The following FATE1 variants were observed in gnomAD, a reference collection of about 807,000 sequenced individuals.
FATE1 encodes fetal and adult testis-expressed transcript protein.
FATE1 carries 18 observed loss-of-function variants against 16.0 expected under a neutral mutation model. The ratio of observed to expected loss-of-function variants is 1.12; its 90% CI spans 0.78 to 1.66. FATE1 has a LOEUF of 1.66. Among genes scored for constraint, FATE1 ranks in the 40% most tolerant of loss-of-function variants. The pLI, the probability that FATE1 is intolerant of heterozygous loss-of-function variation, is 0.00. For synonymous variants in FATE1, 76 were observed against 56.9 expected (o/e 1.34, Z -1.51); for missense variants, 169 against 152.7 (o/e 1.11, Z -0.56).
intron 2 of FATE1, among the ~76,000 whole-genome samples, chrX:151,718,216 G>GAAGAAAGA (rs368403459): frequency 5.5e-4 from 56 of 102,115 alleles, no homozygotes; most frequent in East Asian, 4.7e-3. Context: ...AGGAAGAAAG[G>GAAGAAAGA]AAGAAAGAAA....
In FATE1 at chrX:151,722,756, G is replaced by C. The variant is rs1425969979; in HGVS notation, c.549G>C (p.Gln183His). The change falls in exon 5 of 5, where the codon CAG (glutamine) becomes CAC (histidine). Residue 183 changes from glutamine (Q) to histidine (H), a missense_variant. Coordinates refer to ENST00000370350, the MANE Select transcript of FATE1 (RefSeq NM_033085.3). ...SIANLWLWMN[Q>H] ...CCAACCTGTGGCTGTGGATGAACCA[G>C]TGATCGCCCCAGCGCGGCCTCCGTA... 1 of 1,208,054 alleles carries C rather than the reference G, an allele frequency of 8.3e-7. No homozygotes were observed. Among genetic ancestry groups the C allele is most frequent in the African/African-American group, 1.7e-5 (1 of 57,833 alleles).
intron 2 of FATE1, among the ~76,000 whole-genome samples, chrX:151,719,822 G>C (rs28483163): frequency 0.1 from 11,310 of 111,479 alleles, 524 homozygotes; most frequent in Middle Eastern, 0.22. Context: ...TGTTACTTCG[G>C]AACAGAAGAG....
intron 2 of FATE1, among the ~76,000 whole-genome samples, chrX:151,719,575 C>T (rs1308309704): frequency 8.9e-6 from 1 of 111,989 alleles, no homozygotes; most frequent in Non-Finnish European, 1.9e-5. Context: ...CATCATTGAT[C>T]AAATTATAGT....
intron 2 of FATE1, among the ~76,000 whole-genome samples, chrX:151,717,805 G>A (rs2015075093): frequency 9.0e-6 from 1 of 111,552 alleles, no homozygotes; most frequent in South Asian, 3.8e-4. Context: ...CAGTCAAGTG[G>A]ACTGGCATGG....
In FATE1 at chrX:151,717,349, G is replaced by A. The variant is rs768452944; in HGVS notation, c.184G>A (p.Ala62Thr). The change falls in exon 2 of 5, where the codon GCT becomes ACT. Residue 62 changes from alanine to threonine, a missense_variant. Coordinates refer to ENST00000370350, the MANE Select transcript of FATE1 (RefSeq NM_033085.3). ...GTTGGAACAAAAAGCTGCTGGCTCT[G>A]CTTCAGCCAAACGAGTTTGGAATAT... ...QKLEQKAAGS[A>T]SAKRVWNMTA... 5 of 1,208,125 alleles carry A rather than the reference G, an allele frequency of 4.1e-6. No homozygotes were observed. The highest frequency in any genetic ancestry group is 5.6e-6 in the Non-Finnish European group (5 of 893,289).
Position 151,721,926 on chromosome X carries a change from C to T in FATE1, c.365C>T (p.Ala122Val), listed in dbSNP as rs144817068. Residue 122 changes from alanine to valine, a missense_variant, in exon 4 of 5, where the codon GCG (alanine) becomes GTG (valine). Transcript: ENST00000370350. The stretch of plus-strand genomic sequence containing the variant: ...AGCAACCCAGGGACAGATGCAGTGG[C>T]GCAGACTAGCCTGGAAGAGTTCAAT... ...YDRNPGTDAV[A>V]QTSLEEFNVL... The T allele has an allele frequency of 6.8e-5, 82 of 1,208,736 alleles. No homozygotes were observed. The highest frequency in any genetic ancestry group is 2.3e-4 in the Middle Eastern group (1 of 4,373).
Position 151,716,215 on chromosome X carries a change from G to A in FATE1, c.96G>A (p.Leu32=), listed in dbSNP as rs2124354068. ...HGRQGENQEH[L]VIAEMMELGS... ...GCCAAGGGGAAAACCAAGAGCACCTGGTGATAGCAGGTGAGGATCCCCTAA... is the reference window on the plus strand; with the variant it reads ...GCCAAGGGGAAAACCAAGAGCACCTAGTGATAGCAGGTGAGGATCCCCTAA... Residue 32 remains leucine (L), a synonymous_variant, in exon 1 of 5, where the codon CTG becomes CTA. Coordinates refer to ENST00000370350, the MANE Select transcript of FATE1 (RefSeq NM_033085.3). The A allele has an allele frequency of 8.6e-7, 1 of 1,165,392 alleles. No individual in the cohort carries two copies. Among genetic ancestry groups the A allele is most frequent in the Non-Finnish European group, 1.1e-6 (1 of 870,979 alleles).
At chrX:151,718,100 AAG>A (rs1292891919) in intron 2 of FATE1, among the ~76,000 whole-genome samples, 1 of 90,156 alleles carries the variant, frequency 1.1e-5, no homozygotes, top group South Asian at 6.4e-4. Context: ...GAAAGAAAGA[AAG>A]AGAGAGAGAG....
chrX:151,722,506 G>A lies in FATE1; in HGVS notation c.421-122G>A, dbSNP rs2015126367. ...CTGCTTCTCACTAGGGGCGCTCCCC[G>A]CTCCACCGCCAAAGGGCAATCAAGC... is the stretch of plus-strand genomic sequence containing the variant. On this transcript the variant is annotated intron_variant, in intron 4 of 4. Coordinates refer to ENST00000370350, the MANE Select transcript of FATE1 (RefSeq NM_033085.3). 24 of 1,055,607 alleles carry A rather than the reference G, an allele frequency of 2.3e-5. No homozygotes were observed. In the South Asian group the frequency reaches 4.3e-4, roughly 19 times the overall value. 87.0% of individuals were successfully genotyped at this position (1,055,607 alleles called of 1,213,427 possible).
chrX:151,721,823 C>T lies in FATE1; in HGVS notation c.342-80C>T, dbSNP rs112449105. ...CTGTCCAAGAAGATCACGACCTTACCTGCTTGACCTCACTGCCTTCTTGTG... is the reference window on the plus strand; with the variant it reads ...CTGTCCAAGAAGATCACGACCTTACTTGCTTGACCTCACTGCCTTCTTGTG... On this transcript the variant is annotated intron_variant, in intron 3 of 4. Transcript: ENST00000370350. 8.4e-5 allele frequency: 74 copies of T among 885,823 alleles called. No individual in the cohort carries two copies. The African/African-American group carries it at 1.1e-3, about 13-fold the overall frequency. The allele number at this position is 885,823 out of a possible 1,213,427, so 73.0% of individuals were successfully genotyped here.
chrX:151,716,161 G>GT lies in FATE1; in HGVS notation c.43dup (p.Ser15PhefsTer99), dbSNP rs1452216243. ...CCAACACCAAGGCGGAGATGGAAAT[G>GT]TCCCTGGCAGAAGAACTGAATCATG... is the stretch of plus-strand genomic sequence containing the variant. On this transcript the variant is annotated frameshift_variant, in exon 1 of 5. Coordinates refer to ENST00000370350, the MANE Select transcript of FATE1 (RefSeq NM_033085.3). LOFTEE classifies it high-confidence loss of function. 8.6e-7 allele frequency: 1 copy of GT among 1,167,833 alleles called. No individual in the cohort carries two copies. Among genetic ancestry groups the GT allele is most frequent in the Non-Finnish European group, 1.1e-6 (1 of 872,991 alleles).
In FATE1 at chrX:151,716,148, C is replaced by T. The variant is rs3810715; in HGVS notation, c.29C>T (p.Ala10Val). The change falls in exon 1 of 5, where the codon GCG becomes GTG. Residue 10 changes from alanine (A) to valine (V), a missense_variant. By Grantham distance (64) the Ala-to-Val change is moderately conservative (BLOSUM62 0). Coordinates refer to ENST00000370350, the MANE Select transcript of FATE1 (RefSeq NM_033085.3). ...GCAGGAGGCCCTCCCAACACCAAGG[C>T]GGAGATGGAAATGTCCCTGGCAGAA... Reference protein sequence around the residue: MAGGPPNTKAEMEMSLAEEL... With the variant: MAGGPPNTKVEMEMSLAEEL... The T allele has an allele frequency of 0.12, 144,063 of 1,165,186 alleles. 6,576 individuals are homozygous for T. Among genetic ancestry groups the T allele is most frequent in the East Asian group, 0.25 (7,516 of 30,600 alleles).
chrX:151,717,020 G>A (rs2015066632), intron 1 of FATE1, among the ~76,000 whole-genome samples: 1 of 111,803 alleles, frequency 8.9e-6, no homozygotes, highest in Admixed American at 9.5e-5. Context: ...CTGGAATCTT[G>A]TTCTTGGTCA....
chrX:151,718,008 C>T (rs898966153), intron 2 of FATE1, among the ~76,000 whole-genome samples: 1 of 109,903 alleles, frequency 9.1e-6, no homozygotes, highest in African/African-American at 3.3e-5. Context: ...ATTGCTTGAA[C>T]CTAGCAGGCA....
chrX:151,718,083 C>CAAGA (rs200737927), intron 2 of FATE1, among the ~76,000 whole-genome samples: 4 of 88,584 alleles, frequency 4.5e-5, no homozygotes, highest in African/African-American at 1.8e-4. Context: ...GAGACTCTGT[C>CAAGA]AAGAAAGAAA....
intron 2 of FATE1, among the ~76,000 whole-genome samples, chrX:151,718,083 C>CAAGAAAGA (rs200737927): frequency 1.1e-5 from 1 of 88,587 alleles, no homozygotes; most frequent in African/African-American, 4.5e-5. Flanking sequence ...GAGACTCTGT[C>CAAGAAAGA]AAGAAAGAAA....
At chrX:151,717,183 ACT>A (rs2015068638) in intron 1 of FATE1, 87 bp from the exon 2 acceptor site, 10 of 1,062,692 alleles carry the variant, frequency 9.4e-6, no homozygotes, top group Non-Finnish European at 1.3e-5. Context: ...AAAGCTGGAG[ACT>A]CTGTCTTCTT....
At position 151,721,447 on chromosome X, in the gene FATE1, C is replaced by A. The variant is rs200289914; in HGVS notation, c.287C>A (p.Ala96Asp). 8.3e-7 allele frequency: 1 copy of A among 1,211,042 alleles called. No individual in the cohort carries two copies. Among genetic ancestry groups the A allele is most frequent in the African/African-American group, 1.7e-5 (1 of 57,577 alleles). ...RMLRESGHGD[A>D]HLQEYAGNFQ... ...CTGAGAGAATCAGGCCATGGGGATG[C>A]CCATCTCCAGGAGTACGCTGGCAAT... Residue 96 changes from alanine to aspartate, a missense_variant, in exon 3 of 5, where the codon GCC becomes GAC. Transcript: ENST00000370350.
intron 2 of FATE1, 54 bp downstream of exon 2, chrX:151,717,453 G>A: frequency 8.7e-7 from 1 of 1,154,873 alleles, no homozygotes; most frequent in Non-Finnish European, 1.2e-6. Flanking sequence ...GGGAGTACTG[G>A]TTGTAGGGGC....
Sources: gnomAD v4.1 joint callset for allele counts (sites outside exome capture counted in the v4.1 genomes callset) on GRCh38, gnomAD v4.1.1 for gene constraint, MANE v1.5 for transcripts, NCBI Gene and HGNC (gene_info 2026-07-23, HGNC 2026-07-21) for gene names.